The following MRTFA variants were observed in gnomAD, a reference collection of about 807,000 sequenced individuals.
MRTFA encodes the protein myocardin-related transcription factor A.
Under a neutral mutation model 83.5 loss-of-function variants are expected in MRTFA, and 20 were observed. The ratio of observed to expected loss-of-function variants is 0.24; its 90% CI spans 0.17 to 0.35. The LOEUF (loss-of-function observed/expected upper bound fraction) is 0.35, where lower values mean the gene tolerates loss of function less well. Among genes scored for constraint, MRTFA ranks in the 10% least tolerant of loss-of-function variants. The pLI, the probability that MRTFA is intolerant of heterozygous loss-of-function variation, is 1.00. For synonymous variants in MRTFA, 659 were observed against 541.2 expected (o/e 1.22, Z -3.02); for missense variants, 1,200 against 1,224.7 (o/e 0.98, Z 0.30).
intron 3 of MRTFA, among the ~76,000 whole-genome samples, chr22:40,549,019 T>C (rs2055408362): frequency 6.6e-6 from 1 of 152,152 alleles, no homozygotes; most frequent in African/African-American, 2.4e-5. Flanking sequence ...AAGTAATGGA[T>C]AGGAAGACTC....
chr22:40,532,646 T>C (rs1422659279), intron 3 of MRTFA, among the ~76,000 whole-genome samples: 1 of 152,212 alleles, frequency 6.6e-6, no homozygotes, highest in Non-Finnish European at 1.5e-5. Flanking sequence ...CCAGATAGCA[T>C]CTGATCCTGT....
At chr22:40,624,311 G>A (rs1381339573) in intron 1 of MRTFA, among the ~76,000 whole-genome samples, 2 of 149,768 alleles carry the variant, frequency 1.3e-5, no homozygotes, top group African/African-American at 2.5e-5. Context: ...CTGTAATCCC[G>A]GCTTCTCAGG....
At chr22:40,434,678 C>CG (rs1410058090) in intron 5 of MRTFA, among the ~76,000 whole-genome samples, 3 of 152,254 alleles carry the variant, frequency 2.0e-5, no homozygotes, top group Middle Eastern at 3.4e-3. Flanking sequence ...ACTGAGATCA[C>CG]GCCACTGCAC....
rs569171609 is a variant in MRTFA, at chr22:40,588,349, A to T, written c.-22+6325T>A. On this transcript the variant is annotated intron_variant, in intron 2 of 14. Transcript: ENST00000355630. ...GCCTCAACTTTTTTTTGTAACTAAG[A>T]TAAAACATTATCTACTGATTTACCA... 3.5e-4 allele frequency among the ~76,000 whole-genome samples: 54 copies of T among 152,228 alleles called. 1 individual carries two copies. Among genetic ancestry groups the T allele is most frequent in the Non-Finnish European group, 6.9e-4 (47 of 68,014 alleles).
chr22:40,609,394 T>C (rs1210300516), intron 1 of MRTFA, among the ~76,000 whole-genome samples: 2 of 144,918 alleles, frequency 1.4e-5, no homozygotes, highest in Admixed American at 7.3e-5. Context: ...GGCGGGAGGA[T>C]CACTCGAGCC....
intron 1 of MRTFA, among the ~76,000 whole-genome samples, chr22:40,621,625 A>G (rs1001164707): frequency 6.6e-6 from 1 of 152,190 alleles, no homozygotes; most frequent in Non-Finnish European, 1.5e-5. Context: ...ATTTTAACAC[A>G]ATTTTTAAAC....
intron 14 of MRTFA, chr22:40,412,414 A>C (rs901506647): frequency 6.6e-6 from 1 of 152,422 alleles, no homozygotes; most frequent in African/African-American, 2.4e-5. Context: ...AACAGTATGG[A>C]GGTTCCTCCA....
rs773831655 is a variant in MRTFA at position 40,421,064 on chromosome 22, G to A, written c.964C>T (p.Arg322Cys). Reference sequence around the variant, plus strand: ...TTCAGCTCCTTGGCCTTCTTGCTGCGCTGTGACTTCTCACTGGCAGACTTG... The same window carrying A: ...TTCAGCTCCTTGGCCTTCTTGCTGCACTGTGACTTCTCACTGGCAGACTTG... Residue 322 changes from arginine (R) to cysteine (C), a missense_variant, in exon 10 of 15, where the codon CGC becomes TGC. Around this residue, in one of 2 missense-constraint regions of MRTFA, gnomAD observed 1,107 missense variants for 1,041.8 expected, o/e 1.06. Coordinates refer to ENST00000355630, the MANE Select transcript of MRTFA (RefSeq NM_020831.6). 24 of 1,546,286 alleles carry A rather than the reference G, an allele frequency of 1.6e-5. No individual in the cohort carries two copies. The highest frequency in any genetic ancestry group is 1.9e-5 in the Non-Finnish European group (22 of 1,143,934).
At chr22:40,548,359 A>AAAC (rs2055398093) in intron 3 of MRTFA, among the ~76,000 whole-genome samples, 1 of 9,728 alleles carries the variant, frequency 1.0e-4, no homozygotes, top group African/African-American at 6.7e-4. Context: ...ACTCCGTCTC[A>AAAC]AAAAAAAAAA....
At chr22:40,616,583 T>C (rs746583014) in intron 1 of MRTFA, among the ~76,000 whole-genome samples, 6 of 152,250 alleles carry the variant, frequency 3.9e-5, no homozygotes, top group South Asian at 4.1e-4. Flanking sequence ...AAATGGATAA[T>C]GGAATGGACG....
rs2052683816 is a variant in MRTFA, at chr22:40,416,558, A to AGAT, written c.2578+425_2578+427dup. Among the ~76,000 whole-genome samples, 1 of 152,218 alleles carries AGAT rather than the reference A, an allele frequency of 6.6e-6. No homozygotes were observed. The highest frequency in any genetic ancestry group is 1.5e-5 in the Non-Finnish European group (1 of 68,040). ...CCGCCAGGTACTCCCGAGGCCGCAC[A>AGAT]GATGCACACAGCTGCCCCTGCTCAC... On this transcript the variant is annotated intron_variant, in intron 14 of 14. Coordinates refer to ENST00000355630, the MANE Select transcript of MRTFA (RefSeq NM_020831.6). This position sits in a 1 kb window ranked among gnomAD's most constrained non-coding sequence, Gnocchi z 4.2.
At chr22:40,413,874 T>C (rs2052617930) in intron 14 of MRTFA, among the ~76,000 whole-genome samples, 1 of 152,102 alleles carries the variant, frequency 6.6e-6, no homozygotes, top group Non-Finnish European at 1.5e-5. Context: ...AAATGCAAAC[T>C]AAGATACCAC....
chr22:40,614,234 A>AAATAAAT (rs1569353147), intron 1 of MRTFA, among the ~76,000 whole-genome samples: 4 of 150,324 alleles, frequency 2.7e-5, no homozygotes, highest in African/African-American at 9.7e-5. Context: ...AATAAATAAA[A>AAATAAAT]AATAAAAAAA....
chr22:40,492,359 G>A (rs73167090), intron 3 of MRTFA, among the ~76,000 whole-genome samples: 12,447 of 152,144 alleles, frequency 0.082, 788 homozygotes, highest in East Asian at 0.24. Flanking sequence ...TAACTCTACT[G>A]GCAAAACATT....
chr22:40,490,816 T>C (rs1397720542), intron 3 of MRTFA, among the ~76,000 whole-genome samples: 1 of 152,178 alleles, frequency 6.6e-6, no homozygotes, highest in African/African-American at 2.4e-5. Context: ...TTATTATACA[T>C]TGTATATAAA....
intron 2 of MRTFA, among the ~76,000 whole-genome samples, chr22:40,586,233 T>C (rs1326349041): frequency 1.3e-5 from 2 of 151,028 alleles, no homozygotes; most frequent in African/African-American, 2.4e-5. Context: ...TAAAATCTTA[T>C]TGATCTGCCA....
chr22:40,621,366 A>G (rs2056520915), intron 1 of MRTFA, among the ~76,000 whole-genome samples: 5 of 152,224 alleles, frequency 3.3e-5, no homozygotes, highest in Admixed American at 2.6e-4. Flanking sequence ...AGCTAGTCAC[A>G]AAAGACAAAT....
chr22:40,484,507 G>A (rs1050626845), intron 3 of MRTFA, among the ~76,000 whole-genome samples: 3 of 152,126 alleles, frequency 2.0e-5, no homozygotes, highest in African/African-American at 4.8e-5. Context: ...AAAAGCAAAG[G>A]TAGGTGTAAC....
At chr22:40,484,209 G>A (rs17001977) in intron 3 of MRTFA, among the ~76,000 whole-genome samples, 12,377 of 151,664 alleles carry the variant, frequency 0.082, 785 homozygotes, top group East Asian at 0.24. Flanking sequence ...CCTAAATGAT[G>A]TAAAATTTTA....
Sources: gnomAD v4.1 joint callset for allele counts (sites outside exome capture counted in the v4.1 genomes callset) on GRCh38, gnomAD v4.1.1 for gene constraint, gnomAD v4.1.1 regional missense constraint, Gnocchi (gnomAD v3.1) non-coding constraint, MANE v1.5 for transcripts, NCBI Gene and HGNC (gene_info 2026-07-23, HGNC 2026-07-21) for gene names.